P4HA2: variants seen among roughly 807,000 people sequenced by gnomAD.
The protein encoded by P4HA2 is prolyl 4-hydroxylase subunit alpha-2.
A neutral mutation model predicts 76.9 loss-of-function variants in P4HA2; 46 were observed. That is an observed-to-expected ratio of 0.60 (90% confidence interval 0.47 to 0.76). The LOEUF is 0.76. P4HA2 is among the 30% of genes least tolerant of loss of function. The pLI is 0.00. For synonymous variants in P4HA2, 243 were observed against 254.0 expected, an observed-to-expected ratio of 0.96 and a Z score of 0.41; for missense variants, 583 against 669.4, an observed-to-expected ratio of 0.87 and a Z score of 1.42.
chr5:132,225,928 T>C (rs1755328526), intron 1 of P4HA2, among the ~76,000 whole-genome samples: 1 of 152,122 alleles, frequency 6.6e-6, no homozygotes, highest in Non-Finnish European at 1.5e-5. Context: ...GCCAACTCAC[T>C]CCATCCTTGC....
intron 1 of P4HA2, among the ~76,000 whole-genome samples, chr5:132,219,751 G>C (rs1754404366): frequency 6.6e-6 from 1 of 152,082 alleles, no homozygotes; most frequent in Non-Finnish European, 1.5e-5. Flanking sequence ...AGAATTCTAA[G>C]TCTAAGATAA....
chr5:132,213,598 G>A (rs967731629), intron 5 of P4HA2, among the ~76,000 whole-genome samples: 1 of 152,168 alleles, frequency 6.6e-6, no homozygotes, highest in Non-Finnish European at 1.5e-5. Flanking sequence ...ATTGGAGGGT[G>A]GGAGACAAGA....
Position 132,209,186 on chromosome 5 carries a change from A to G in P4HA2, c.855T>C (p.Pro285=), listed in dbSNP as rs1277480602. Reference sequence around the variant, plus strand: ...AGAGGCTCTCGTAAACATCCCTCTCAGGCAGGTAGTCCACAGGCCTCTCAT... The same window carrying G: ...AGAGGCTCTCGTAAACATCCCTCTCGGGCAGGTAGTCCACAGGCCTCTCAT... ...GIYERPVDYL[P]ERDVYESLCR... The change falls in exon 7 of 15, where the codon CCT becomes CCC. Residue 285 remains proline (P), a synonymous_variant. Transcript: ENST00000360568. 1.2e-6 allele frequency: 2 copies of G among 1,614,026 alleles called. No individual in the cohort carries two copies. Among genetic ancestry groups the G allele is most frequent in the East Asian group, 2.2e-5 (1 of 44,870 alleles).
chr5:132,200,726 G>T (rs1751376997), intron 10 of P4HA2: 1 of 152,208 alleles, frequency 6.6e-6, no homozygotes, highest in Non-Finnish European at 1.5e-5. Flanking sequence ...TGCTGTGCAG[G>T]TACACTCAGG....
In P4HA2 at chr5:132,214,123, G is replaced by A. The variant is rs1753522636; in HGVS notation, c.332-70C>T. ...GCAGAATTCCACTTGGGACCAGAGA[G>A]GCAGCCACAAAGAGGGTCTCTGGCT... On this transcript the variant is annotated intron_variant, in intron 4 of 14. Transcript: ENST00000360568. The A allele has an allele frequency of 6.6e-6, 10 of 1,510,628 alleles. No individual in the cohort carries two copies. The Middle Eastern group carries it at 1.1e-3, about 159-fold the overall frequency. The allele number at this position is 1,510,628 out of a possible 1,614,324, so 93.6% of individuals were successfully genotyped here.
rs976370595 is a variant in P4HA2, at chr5:132,192,630, C to A, written c.*380G>T. 5.9e-6 allele frequency: 1 copy of A among 169,092 alleles called. No individual in the cohort carries two copies. Among genetic ancestry groups the A allele is most frequent in the African/African-American group, 2.4e-5 (1 of 42,192 alleles). The allele number at this position is 169,092 out of a possible 1,614,324, so 10.5% of individuals were successfully genotyped here. A position where few individuals can be genotyped will look rare whatever the true frequency, so the allele number is the denominator to read the frequency against. Reference sequence around the variant, plus strand: ...GGCTCTTTAAGGCTTCTGGTAGGGACATTTTATTTTTTGGTAAAGCCACAA... The same window carrying A: ...GGCTCTTTAAGGCTTCTGGTAGGGAAATTTTATTTTTTGGTAAAGCCACAA... On this transcript the variant is annotated 3_prime_UTR_variant, in exon 15 of 15. Coordinates refer to ENST00000360568, the MANE Select transcript of P4HA2 (RefSeq NM_001017974.2).
At chr5:132,195,694 T>G (rs535352167) in intron 12 of P4HA2, 16 of 591,498 alleles carry the variant, frequency 2.7e-5, no homozygotes, top group Admixed American at 2.3e-4. Flanking sequence ...ATGTCATGAG[T>G]GTTCAAGAGT....
intron 1 of P4HA2, among the ~76,000 whole-genome samples, chr5:132,225,163 T>C (rs1308846835): frequency 6.6e-6 from 1 of 152,156 alleles, no homozygotes; most frequent in Non-Finnish European, 1.5e-5. Flanking sequence ...GCTGATGTCT[T>C]ACCCTAAGGA....
intron 7 of P4HA2, 98 bp from the exon 8 acceptor site, chr5:132,207,982 A>T: frequency 1.1e-6 from 1 of 898,210 alleles, no homozygotes; most frequent in Non-Finnish European, 1.7e-6. Context: ...CATGGCCAGC[A>T]GCTGCTCCCT....
chr5:132,211,943 T>C (rs573882136), intron 5 of P4HA2, among the ~76,000 whole-genome samples: 1 of 152,298 alleles, frequency 6.6e-6, no homozygotes, highest in Non-Finnish European at 1.5e-5. Context: ...GTAGCTATTA[T>C]CAACATGTCT....
intron 10 of P4HA2, 144 bp from the exon 11 acceptor site, chr5:132,199,076 C>T (rs1751123277): frequency 3.1e-6 from 2 of 642,024 alleles, no homozygotes; most frequent in South Asian, 3.8e-5. Flanking sequence ...ACAACCATGC[C>T]CTGGCAGCAC....
intron 5 of P4HA2, among the ~76,000 whole-genome samples, chr5:132,212,331 G>A (rs1166787511): frequency 6.6e-6 from 1 of 152,154 alleles, no homozygotes; most frequent in Non-Finnish European, 1.5e-5. Context: ...GCAGTAAGCT[G>A]GAGGTAGGAG....
Position 132,209,225 on chromosome 5 carries a change from G to A in P4HA2, c.816C>T (p.Thr272=). The stretch of plus-strand genomic sequence containing the variant: ...CAGGCCTCTCATAGATGCCTTCTGG[G>A]GTTGCTAGCTCAGCTTCTGTCTGAT... ...LTNQTEAELA[T]PEGIYERPVD... The change falls in exon 7 of 15, where the codon ACC becomes ACT. Residue 272 remains threonine, a synonymous_variant. Coordinates refer to ENST00000360568, the MANE Select transcript of P4HA2 (RefSeq NM_001017974.2). The A allele has an allele frequency of 6.2e-7, 1 of 1,613,908 alleles. No individual in the cohort carries two copies. The highest frequency in any genetic ancestry group is 8.5e-7 in the Non-Finnish European group (1 of 1,179,900).
At chr5:132,202,124 C>G (rs925998422) in intron 10 of P4HA2, 7 of 152,196 alleles carry the variant, frequency 4.6e-5, no homozygotes, top group Non-Finnish European at 8.8e-5. Flanking sequence ...ACATACGCAG[C>G]AAGTGGGAGA....
Position 132,191,544 on chromosome 5 carries a change from A to G in P4HA2, c.*1466T>C, listed in dbSNP as rs1443667122. ...AAAAAAAAAAAAAAGATTTCAACAT[A>G]TGAATCTGGTGGGGGGACACAAACA... is the stretch of plus-strand genomic sequence containing the variant. On this transcript the variant is annotated 3_prime_UTR_variant, in exon 15 of 15. Coordinates refer to ENST00000360568, the MANE Select transcript of P4HA2 (RefSeq NM_001017974.2). Among the ~76,000 whole-genome samples the G allele has an allele frequency of 2.8e-5, 4 of 142,292 alleles. No individual in the cohort carries two copies. The South Asian group carries it at 8.7e-4, about 31-fold the overall frequency. The allele number at this position is 142,292 out of a possible 152,430, so 93.3% of individuals were successfully genotyped here.
chr5:132,207,471 G>A (rs944257464), intron 8 of P4HA2, among the ~76,000 whole-genome samples: 10 of 152,160 alleles, frequency 6.6e-5, no homozygotes, highest in African/African-American at 1.2e-4. Flanking sequence ...TGTTCCCAGC[G>A]TGACCTTCTA....
intron 14 of P4HA2, among the ~76,000 whole-genome samples, chr5:132,194,686 C>T (rs1180614971): frequency 6.6e-6 from 1 of 152,240 alleles, no homozygotes; most frequent in African/African-American, 2.4e-5. Flanking sequence ...TGCAGCTATT[C>T]GTCCTCAGGC....
At chr5:132,210,630 G>T (rs907094884) in intron 5 of P4HA2, 107 bp from the exon 6 acceptor site, 4 of 1,076,142 alleles carry the variant, frequency 3.7e-6, no homozygotes, top group Non-Finnish European at 5.7e-6. Flanking sequence ...GCATCACCAA[G>T]CAGAACTCCA....
chr5:132,217,240 G>A lies in P4HA2; in HGVS notation c.288C>T (p.Asp96=). 6.2e-7 allele frequency: 1 copy of A among 1,614,232 alleles called. No individual in the cohort carries two copies. The highest frequency in any genetic ancestry group is 8.5e-7 in the Non-Finnish European group (1 of 1,180,034). ...AYKLVKRLNT[D]WPALEDLVLQ... is the part of the protein sequence containing the mutation. ...GGACAAGGTCCTCCAGCGCAGGCCA[G>A]TCTGTGTTTAGCCGCTTCACCAGTT... Residue 96 remains aspartate (D), a synonymous_variant, in exon 4 of 15, where the codon GAC becomes GAT. Coordinates refer to ENST00000360568, the MANE Select transcript of P4HA2 (RefSeq NM_001017974.2).
Sources: gnomAD v4.1 joint callset for allele counts (sites outside exome capture counted in the v4.1 genomes callset) on GRCh38, gnomAD v4.1.1 for gene constraint, MANE v1.5 for transcripts, NCBI Gene and HGNC (gene_info 2026-07-23, HGNC 2026-07-21) for gene names.